Variants in CT45A1 observed in about 807,000 individuals in gnomAD.
CT45A1 encodes the protein cancer/testis antigen family 45 member A1, also known as cancer/testis antigen 45-1.
chrX:135,718,557 T>C (rs1489400220), intron 1 of CT45A1, among the ~76,000 whole-genome samples: 5 of 110,803 alleles, frequency 4.5e-5, no homozygotes, highest in Non-Finnish European at 9.4e-5. Context: ...GTTTAAAATA[T>C]AATGTTTAAC....
chrX:135,713,728 C>T, intron 1 of CT45A1, 38 bp downstream of exon 1: 1 of 726,495 alleles, frequency 1.4e-6, no homozygotes, highest in Non-Finnish European at 1.6e-6. Context: ...CAGTTTTTCC[C>T]TGGATGCTTT....
chrX:135,715,294 ATACT>A (rs1454546979), intron 1 of CT45A1, among the ~76,000 whole-genome samples: 1 of 80,865 alleles, frequency 1.2e-5, no homozygotes, highest in African/African-American at 4.7e-5. Flanking sequence ...TATATATATA[ATACT>A]TATATATACA....
chrX:135,718,284 T>G lies in CT45A1; in HGVS notation c.-6-651T>G, dbSNP rs1473789501. ...TGATGTATGTCCTTTTTAAGTACTATTGCATTTTATTTGCTCACCCTTAGT... is the reference window on the plus strand; with the variant it reads ...TGATGTATGTCCTTTTTAAGTACTAGTGCATTTTATTTGCTCACCCTTAGT... On this transcript the variant is annotated intron_variant, in intron 1 of 4. Transcript: ENST00000594565. Among the ~76,000 whole-genome samples the G allele has an allele frequency of 3.6e-5, 4 of 111,380 alleles. No individual in the cohort carries two copies. The East Asian group carries it at 8.4e-4, about 23-fold the overall frequency.
At chrX:135,718,280 A>G (rs1423045306) in intron 1 of CT45A1, among the ~76,000 whole-genome samples, 1 of 111,143 alleles carries the variant, frequency 9.0e-6, no homozygotes, top group Non-Finnish European at 1.9e-5. Flanking sequence ...CTTTTTAAGT[A>G]CTATTGCATT....
chrX:135,715,779 C>T, intron 1 of CT45A1, among the ~76,000 whole-genome samples: 1 of 106,373 alleles, frequency 9.4e-6, no homozygotes, highest in South Asian at 4.0e-4. Context: ...TAGGTAGACA[C>T]ATGCCATGGT....
chrX:135,715,334 TA>T (rs1360633826), intron 1 of CT45A1, among the ~76,000 whole-genome samples: 7 of 53,737 alleles, frequency 1.3e-4, no homozygotes, highest in Admixed American at 1.1e-3. Flanking sequence ...ACTTATATAT[TA>T]TATATATATA....
chrX:135,714,316 G>A (rs1603081739), intron 1 of CT45A1, among the ~76,000 whole-genome samples: 2 of 109,348 alleles, frequency 1.8e-5, no homozygotes, highest in Admixed American at 9.7e-5. Context: ...GACGCTTACC[G>A]GATGCTTTGT....
upstream of CT45A1, among the ~76,000 whole-genome samples, chrX:135,713,216 GTTT>G (rs144472727): frequency 1.1e-5 from 1 of 88,578 alleles, no homozygotes; most frequent in African/African-American, 4.1e-5. Flanking sequence ...TTTTGTGTGT[GTTT>G]TTTTTTTTTT....
At chrX:135,716,754 C>A (rs1369677335) in intron 1 of CT45A1, among the ~76,000 whole-genome samples, 2 of 111,351 alleles carry the variant, frequency 1.8e-5, no homozygotes, top group Non-Finnish European at 3.8e-5. Context: ...GTTGTGAAGA[C>A]AGTATCTTAA....
upstream of CT45A1, chrX:135,710,194 C>T (rs1290341831): frequency 8.9e-6 from 1 of 112,254 alleles, no homozygotes; most frequent in African/African-American, 3.3e-5. Flanking sequence ...AAACTTGTCA[C>T]TGATAAATAG....
At chrX:135,718,020 T>C (rs782261252) in intron 1 of CT45A1, among the ~76,000 whole-genome samples, 2 of 112,279 alleles carry the variant, frequency 1.8e-5, no homozygotes, top group African/African-American at 6.5e-5. Flanking sequence ...TACGTCACTA[T>C]GAAGTATGGC....
At chrX:135,713,248 G>T (rs1603080897), upstream of CT45A1, among the ~76,000 whole-genome samples, 1 of 100,017 alleles carries the variant, frequency 1.0e-5, no homozygotes, top group East Asian at 3.1e-4. Flanking sequence ...TGGTTGCTCT[G>T]TAGAGCCGGG....
intron 1 of CT45A1, among the ~76,000 whole-genome samples, chrX:135,714,978 C>A (rs1297614887): frequency 9.4e-6 from 1 of 106,630 alleles, no homozygotes; most frequent in Non-Finnish European, 1.9e-5. Flanking sequence ...TCCATATATT[C>A]TGTATTTGAG....
chrX:135,719,351 TC>T (rs1556572850), intron 2 of CT45A1, among the ~76,000 whole-genome samples: 1 of 90,351 alleles, frequency 1.1e-5, no homozygotes, highest in Non-Finnish European at 2.2e-5. Flanking sequence ...AGATGGACTT[TC>T]GCTCTTCTCA....
Position 135,718,443 on chromosome X carries a change from T to A in CT45A1, c.-6-492T>A, listed in dbSNP as rs782391168. ...GTATCAATCTTCTAATAAGAGTTCC[T>A]AATAAGGGTTAATACAGATTGGTTT... On this transcript the variant is annotated intron_variant, in intron 1 of 4. Coordinates refer to ENST00000594565, the MANE Select transcript of CT45A1 (RefSeq NM_001017417.3). Among the ~76,000 whole-genome samples the A allele has an allele frequency of 1.2e-4, 13 of 110,391 alleles. No individual in the cohort carries two copies. The East Asian group carries it at 3.4e-3, about 29-fold the overall frequency.
chrX:135,718,572 G>T (rs1556572577), intron 1 of CT45A1, among the ~76,000 whole-genome samples: 1 of 110,228 alleles, frequency 9.1e-6, no homozygotes, highest in Non-Finnish European at 1.9e-5. Context: ...TTTAACAAGG[G>T]TTAATACAGA....
chrX:135,713,173 G>A (rs868920698), upstream of CT45A1, among the ~76,000 whole-genome samples: 6 of 101,743 alleles, frequency 5.9e-5, no homozygotes, highest in African/African-American at 2.2e-4. Flanking sequence ...GAGTAGTTGG[G>A]ACCACAGGCG....
At chrX:135,719,283 ATCT>A (rs1216257331) in intron 2 of CT45A1, among the ~76,000 whole-genome samples, 174 bp downstream of exon 2, 2 of 35,010 alleles carry the variant, frequency 5.7e-5, no homozygotes, top group Admixed American at 6.4e-4. Context: ...ATTTCCGACA[ATCT>A]TTTTTTTTTT....
chrX:135,717,013 G>A (rs1407093345), intron 1 of CT45A1, among the ~76,000 whole-genome samples: 1 of 110,766 alleles, frequency 9.0e-6, no homozygotes, highest in African/African-American at 3.3e-5. Context: ...TACCTTTATA[G>A]TAAATTTCAT....
Sources: allele counts gnomAD v4.1 joint callset (sites outside exome capture counted in the v4.1 genomes callset), GRCh38; gene constraint gnomAD v4.1.1; transcripts MANE v1.5; gene names NCBI Gene and HGNC (gene_info 2026-07-23, HGNC 2026-07-21).